KCNIP4: variants seen among roughly 807,000 people sequenced by gnomAD.
KCNIP4 encodes the protein Kv channel-interacting protein 4.
KCNIP4 carries 12 observed loss-of-function variants against 34.0 expected under a neutral mutation model. The ratio of observed to expected loss-of-function variants is 0.35; its 90% CI spans 0.23 to 0.57. The LOEUF (loss-of-function observed/expected upper bound fraction) is 0.57, where lower values mean the gene tolerates loss of function less well. Among genes scored for constraint, KCNIP4 ranks in the 20% least tolerant of loss-of-function variants. KCNIP4 has a pLI of 0.83. For missense variants in KCNIP4, 238 were observed against 311.7 expected, an observed-to-expected ratio of 0.76 and a Z score of 1.78; for synonymous variants, 124 against 102.2, an observed-to-expected ratio of 1.21 and a Z score of -1.29.
chr4:20,921,095 A>G (rs1729354431), intron 1 of KCNIP4, among the ~76,000 whole-genome samples: 2 of 152,212 alleles, frequency 1.3e-5, no homozygotes, highest in South Asian at 4.1e-4. Flanking sequence ...GGTTGTTTCT[A>G]CAGTCCAGTT....
chr4:21,003,274 A>G (rs6857634), intron 1 of KCNIP4, among the ~76,000 whole-genome samples: 62,224 of 151,700 alleles, frequency 0.41, 13,424 homozygotes, highest in South Asian at 0.54. Context: ...TCTTCCCGGA[A>G]CTGGTAACTT....
intron 1 of KCNIP4, among the ~76,000 whole-genome samples, chr4:21,095,440 T>C (rs970960644): frequency 3.3e-5 from 5 of 152,234 alleles, no homozygotes; most frequent in Non-Finnish European, 7.3e-5. Context: ...GTCTCATTCT[T>C]ATCAGTCACT....
chr4:21,807,886 T>A (rs1721399142), intron 1 of KCNIP4, among the ~76,000 whole-genome samples: 1 of 152,204 alleles, frequency 6.6e-6, no homozygotes, highest in South Asian at 2.1e-4. Flanking sequence ...TGTAACTAAG[T>A]AATATATATG....
intron 1 of KCNIP4, among the ~76,000 whole-genome samples, chr4:21,183,233 A>T (rs1754974483): frequency 6.6e-6 from 1 of 152,154 alleles, no homozygotes; most frequent in Middle Eastern, 3.2e-3. Flanking sequence ...TATATGTACC[A>T]CATTTTATTT....
At chr4:21,885,078 A>G (rs1726688651) in intron 1 of KCNIP4, among the ~76,000 whole-genome samples, 1 of 152,144 alleles carries the variant, frequency 6.6e-6, no homozygotes, top group Admixed American at 6.6e-5. Context: ...TATAAGCTCC[A>G]TGAGGGCAAG....
intron 8 of KCNIP4, chr4:20,731,716 G>A (rs1455636572): frequency 1.0e-6 from 1 of 985,116 alleles, no homozygotes; most frequent in African/African-American, 1.7e-5. Context: ...TCTCATGTAT[G>A]TTTTATCCTC....
At chr4:21,333,325 G>T (rs1411495562) in intron 1 of KCNIP4, among the ~76,000 whole-genome samples, 3 of 151,672 alleles carry the variant, frequency 2.0e-5, no homozygotes, top group Non-Finnish European at 4.4e-5. Flanking sequence ...ATGGAGTAAA[G>T]CATCTAAAAA....
At chr4:21,801,754 G>A (rs951284537) in intron 1 of KCNIP4, among the ~76,000 whole-genome samples, 3 of 151,994 alleles carry the variant, frequency 2.0e-5, no homozygotes, top group South Asian at 2.1e-4. Context: ...GACTACCAGC[G>A]CGTGCCACCA....
chr4:21,534,151 G>T (rs997394606), intron 1 of KCNIP4, among the ~76,000 whole-genome samples: 1 of 152,088 alleles, frequency 6.6e-6, no homozygotes, highest in African/African-American at 2.4e-5. Flanking sequence ...TGATAATTTG[G>T]TGTCAAATGC....
At chr4:21,476,033 C>A (rs2109819370) in intron 1 of KCNIP4, among the ~76,000 whole-genome samples, 1 of 152,114 alleles carries the variant, frequency 6.6e-6, no homozygotes, top group Non-Finnish European at 1.5e-5. Flanking sequence ...ATATGAAGAC[C>A]CAGGGTTCTG....
intron 1 of KCNIP4, among the ~76,000 whole-genome samples, chr4:20,975,561 G>T (rs575365374): frequency 4.6e-5 from 7 of 152,072 alleles, no homozygotes; most frequent in Admixed American, 6.6e-5. Flanking sequence ...TTGAAAAAAC[G>T]CATGTGTTAA....
At chr4:21,770,191 C>T (rs1435886501) in intron 1 of KCNIP4, among the ~76,000 whole-genome samples, 1 of 152,082 alleles carries the variant, frequency 6.6e-6, no homozygotes, top group Admixed American at 6.6e-5. Flanking sequence ...CAATGTTCGA[C>T]ATCCACTTAT....
intron 1 of KCNIP4, among the ~76,000 whole-genome samples, chr4:21,001,894 C>T (rs1738172173): frequency 6.6e-6 from 1 of 152,202 alleles, no homozygotes; most frequent in Admixed American, 6.5e-5. Context: ...CGTTCCTTCT[C>T]ACCACAAAGT....
At chr4:20,986,764 T>G (rs146125602) in intron 1 of KCNIP4, among the ~76,000 whole-genome samples, 1 of 152,334 alleles carries the variant, frequency 6.6e-6, no homozygotes, top group African/African-American at 2.4e-5. Flanking sequence ...TTTCCAGGAT[T>G]GAAATTCCTA....
chr4:21,077,299 G>T (rs563769817), intron 1 of KCNIP4, among the ~76,000 whole-genome samples: 1 of 151,910 alleles, frequency 6.6e-6, no homozygotes, highest in African/African-American at 2.4e-5. Context: ...TATAATGTTC[G>T]CTTATCTCAT....
intron 1 of KCNIP4, among the ~76,000 whole-genome samples, chr4:21,943,607 T>G (rs1730322632): frequency 6.6e-6 from 1 of 152,156 alleles, no homozygotes; most frequent in Admixed American, 6.6e-5. Flanking sequence ...TTTAGCCAGA[T>G]CAAGGTGTAG....
intron 1 of KCNIP4, among the ~76,000 whole-genome samples, chr4:21,233,006 A>G (rs1261655940): frequency 1.3e-5 from 2 of 152,152 alleles, no homozygotes; most frequent in Non-Finnish European, 2.9e-5. Flanking sequence ...ACTTTACTAA[A>G]AGAACATCAG....
In KCNIP4 at chr4:21,442,520, G is replaced by A. The variant is rs115972137; in HGVS notation, c.61+506051C>T. On this transcript the variant is annotated intron_variant, in intron 1 of 8. Transcript: ENST00000382152. The stretch of plus-strand genomic sequence containing the variant: ...GATTGCTGCATTGCTAAATACAAGA[G>A]ATAATGTTAGTCCATCTGTTACTTG... 5.4e-3 allele frequency among the ~76,000 whole-genome samples: 818 copies of A among 152,314 alleles called. 4 individuals carry two copies. The highest frequency in any genetic ancestry group is 0.019 in the African/African-American group (792 of 41,578).
intron 1 of KCNIP4, among the ~76,000 whole-genome samples, chr4:21,381,811 T>A (rs1185445887): frequency 6.6e-6 from 1 of 152,146 alleles, no homozygotes; most frequent in African/African-American, 2.4e-5. Flanking sequence ...CAGCTATTCA[T>A]TGAGGAGGAG....
Sources: allele counts gnomAD v4.1 joint callset (sites outside exome capture counted in the v4.1 genomes callset), GRCh38; gene constraint gnomAD v4.1.1; transcripts MANE v1.5; gene names NCBI Gene and HGNC (gene_info 2026-07-23, HGNC 2026-07-21).